The following LANCL2 variants were observed in gnomAD, a reference collection of about 807,000 sequenced individuals.
LANCL2 encodes the protein LanC like glutathione S-transferase 2, also known as lanC-like protein 2.
A neutral mutation model predicts 56.9 loss-of-function variants in LANCL2; 33 were observed. The observed-to-expected ratio is 0.58, with a 90% CI of 0.44 to 0.78. The LOEUF (loss-of-function observed/expected upper bound fraction) is 0.78. LANCL2 is among the 30% of genes least tolerant of loss of function. The probability of loss-of-function intolerance (pLI) is 0.00; values close to 1 mark genes in which losing one functional copy is unlikely to be tolerated. For missense variants in LANCL2, 562 were observed against 580.2 expected, an observed-to-expected ratio of 0.97 and a Z score of 0.32; for synonymous variants, 233 against 228.2, an observed-to-expected ratio of 1.02 and a Z score of -0.19.
chr7:55,381,495 A>C (rs1790068358), intron 1 of LANCL2, among the ~76,000 whole-genome samples: 1 of 152,226 alleles, frequency 6.6e-6, no homozygotes, highest in Admixed American at 6.5e-5. Context: ...AATTGAGAGG[A>C]GAGCTGCTGC....
At chr7:55,418,281 C>G (rs1443503616) in intron 6 of LANCL2, among the ~76,000 whole-genome samples, 2 of 151,746 alleles carry the variant, frequency 1.3e-5, no homozygotes, top group African/African-American at 4.8e-5. Flanking sequence ...TCCCCAGGCT[C>G]AAGATATCCT....
chr7:55,395,137 A>G (rs1790235858), intron 2 of LANCL2, among the ~76,000 whole-genome samples: 1 of 152,244 alleles, frequency 6.6e-6, no homozygotes, highest in African/African-American at 2.4e-5. Context: ...GGAAAGCTAC[A>G]TTAACCATTT....
intron 6 of LANCL2, among the ~76,000 whole-genome samples, chr7:55,420,150 G>C (rs1790593193): frequency 6.6e-6 from 1 of 152,160 alleles, no homozygotes; most frequent in East Asian, 1.9e-4. Context: ...TTTTAAAGTG[G>C]AATCTTAGGT....
chr7:55,400,895 T>G (rs6947421), intron 4 of LANCL2, among the ~76,000 whole-genome samples: 41,868 of 152,090 alleles, frequency 0.28, 6,402 homozygotes, highest in Non-Finnish European at 0.35. Flanking sequence ...TTATAAGAAG[T>G]TTTTCTAGAT....
At position 55,431,357 on chromosome 7, in the gene LANCL2, C is replaced by CA; in HGVS notation, c.*41dup. The stretch of plus-strand genomic sequence containing the variant: ...AGACAACTAAAATACCCATTTGGAC[C>CA]AAAAGCCACCAGATTGCTTAGTGCC... On this transcript the variant is annotated 3_prime_UTR_variant, in exon 9 of 9. Coordinates refer to ENST00000254770, the MANE Select transcript of LANCL2 (RefSeq NM_018697.4). The CA allele has an allele frequency of 6.8e-7, 1 of 1,476,170 alleles. No individual in the cohort carries two copies. The highest frequency in any genetic ancestry group is 1.2e-5 in the South Asian group (1 of 84,836). The allele number at this position is 1,476,170 out of a possible 1,614,324, so 91.4% of individuals were successfully genotyped here.
chr7:55,369,507 C>T (rs577009611), intron 1 of LANCL2, among the ~76,000 whole-genome samples: 6 of 152,094 alleles, frequency 3.9e-5, no homozygotes, highest in African/African-American at 1.4e-4. Context: ...CAATATTGGG[C>T]CAATATTATG....
intron 7 of LANCL2, 54 bp downstream of exon 7, chr7:55,425,484 T>TC (rs1790655051): frequency 1.3e-6 from 2 of 1,520,754 alleles, no homozygotes; most frequent in African/African-American, 2.7e-5. Context: ...GTGCACAGAA[T>TC]CCAGAGTCCA....
chr7:55,392,493 G>A (rs1257901551), intron 2 of LANCL2, among the ~76,000 whole-genome samples: 1 of 151,694 alleles, frequency 6.6e-6, no homozygotes, highest in African/African-American at 2.4e-5. Flanking sequence ...TGGGACCACA[G>A]GCACATGCCA....
intron 1 of LANCL2, among the ~76,000 whole-genome samples, chr7:55,366,769 C>A (rs890664631): frequency 6.6e-6 from 1 of 152,208 alleles, no homozygotes; most frequent in Non-Finnish European, 1.5e-5. Flanking sequence ...TGACATAAAA[C>A]AGATTAACAA....
intron 8 of LANCL2, among the ~76,000 whole-genome samples, chr7:55,429,303 C>T (rs1790702383): frequency 6.6e-6 from 1 of 152,134 alleles, no homozygotes; most frequent in East Asian, 1.9e-4. Flanking sequence ...ACTTCTAGGT[C>T]TGGAGATTTA....
At chr7:55,430,986 TA>T (rs1790721177) in intron 8 of LANCL2, among the ~76,000 whole-genome samples, 1 of 152,222 alleles carries the variant, frequency 6.6e-6, no homozygotes, top group Non-Finnish European at 1.5e-5. Flanking sequence ...TTTCAAGATA[TA>T]AGATTAAAGC....
intron 6 of LANCL2, 149 bp downstream of exon 6, chr7:55,412,238 A>G (rs1190876862): frequency 9.2e-6 from 6 of 651,254 alleles, no homozygotes; most frequent in Non-Finnish European, 1.3e-5. Context: ...TCTGTATTTT[A>G]CCACTCATCA....
chr7:55,404,851 T>TGG (rs2128994388), intron 5 of LANCL2, among the ~76,000 whole-genome samples: 1 of 152,298 alleles, frequency 6.6e-6, no homozygotes, highest in East Asian at 1.9e-4. Context: ...TGACCTCTGG[T>TGG]GATCCACCCA....
rs372080148 is a variant in LANCL2 at position 55,425,396 on chromosome 7, C to T, written c.1151C>T (p.Thr384Met). The T allele has an allele frequency of 1.1e-5, 18 of 1,614,144 alleles. No homozygotes were observed. The highest frequency in any genetic ancestry group is 3.3e-5 in the South Asian group (3 of 91,074). The change falls in exon 7 of 9, where the codon ACG (threonine) becomes ATG (methionine). Residue 384 changes from threonine to methionine, a missense_variant. Around this residue, in one of 2 missense-constraint regions of LANCL2, gnomAD observed 378 missense variants for 468.4 expected, o/e 0.81. Transcript: ENST00000254770. ...TCCTTCCTGTCCCTTTACCGTCTCACGCAGGATAAGAAGTACCTCTACCGA... is the reference window on the plus strand; with the variant it reads ...TCCTTCCTGTCCCTTTACCGTCTCATGCAGGATAAGAAGTACCTCTACCGA... Reference protein sequence around the residue: ...GYSFLSLYRLTQDKKYLYRAC... With the variant: ...GYSFLSLYRLMQDKKYLYRAC...
chr7:55,373,023 G>A (rs1436044594), intron 1 of LANCL2, among the ~76,000 whole-genome samples: 1 of 152,162 alleles, frequency 6.6e-6, no homozygotes, highest in African/African-American at 2.4e-5. Context: ...ACCCACAGTA[G>A]AACCTACCAG....
chr7:55,365,734 C>A lies in LANCL2; in HGVS notation c.-292C>A. ...GAAGGTGCGAGGAGGCGCGAGCAGG[C>A]TGTGAGCCGCTGGGCGCTCCCGCGA... On this transcript the variant is annotated 5_prime_UTR_variant, in exon 1 of 9. In the 5' UTR this introduces an upstream ATG that the reference lacks. Transcript: ENST00000254770. 2 of 299,648 alleles carry A rather than the reference C, an allele frequency of 6.7e-6. No homozygotes were observed. 18.6% of individuals were successfully genotyped at this position (299,648 alleles called of 1,614,324 possible). A position where few individuals can be genotyped will look rare whatever the true frequency, so the allele number is the denominator to read the frequency against.
At chr7:55,393,382 A>G (rs1436833372) in intron 2 of LANCL2, among the ~76,000 whole-genome samples, 2 of 152,176 alleles carry the variant, frequency 1.3e-5, no homozygotes, top group Non-Finnish European at 2.9e-5. Context: ...AAATACGAAA[A>G]TTAGCTGGGC....
At chr7:55,429,001 GC>G (rs1172742928) in intron 8 of LANCL2, among the ~76,000 whole-genome samples, 1 of 152,174 alleles carries the variant, frequency 6.6e-6, no homozygotes, top group Non-Finnish European at 1.5e-5. Context: ...ACAAACAGAA[GC>G]CCCACAAACA....
chr7:55,373,671 G>T (rs1326442247), intron 1 of LANCL2, among the ~76,000 whole-genome samples: 1 of 152,108 alleles, frequency 6.6e-6, no homozygotes, highest in Non-Finnish European at 1.5e-5. Flanking sequence ...TTTGTTGACT[G>T]AATAAATCTA....
Sources: gnomAD v4.1 joint callset for allele counts (sites outside exome capture counted in the v4.1 genomes callset) on GRCh38, gnomAD v4.1.1 for gene constraint, gnomAD v4.1.1 regional missense constraint, MANE v1.5 for transcripts, NCBI Gene and HGNC (gene_info 2026-07-23, HGNC 2026-07-21) for gene names.